Variants in NDST4 observed in about 807,000 individuals in gnomAD.
NDST4 encodes N-heparan sulfate sulfotransferase 4.
In NDST4, 63 loss-of-function variants were observed where a neutral mutation model predicts 100.8. That is an observed-to-expected ratio of 0.62 (90% confidence interval 0.51 to 0.77). The LOEUF is 0.77. Among genes scored for constraint, NDST4 ranks in the 30% least tolerant of loss-of-function variants. The pLI, the probability that NDST4 is intolerant of heterozygous loss-of-function variation, is 0.00. For synonymous variants in NDST4, 377 were observed against 361.8 expected (o/e 1.04, Z -0.48); for missense variants, 943 against 1,018.4 (o/e 0.93, Z 1.01).
intron 6 of NDST4, among the ~76,000 whole-genome samples, chr4:114,897,306 A>G (rs1308331509): frequency 1.3e-5 from 2 of 152,136 alleles, no homozygotes; most frequent in Non-Finnish European, 2.9e-5. Flanking sequence ...AACCTTTTCC[A>G]GAATGTCATA....
intron 2 of NDST4, among the ~76,000 whole-genome samples, chr4:114,987,169 AACAT>A (rs1361726052): frequency 6.6e-6 from 1 of 152,136 alleles, no homozygotes; most frequent in Non-Finnish European, 1.5e-5. Flanking sequence ...AGCCAAGAAT[AACAT>A]ACATATACAT....
At chr4:114,978,856 T>C (rs1207420116) in intron 2 of NDST4, among the ~76,000 whole-genome samples, 1 of 152,140 alleles carries the variant, frequency 6.6e-6, no homozygotes, top group African/African-American at 2.4e-5. Context: ...TTATTCTGCA[T>C]TTATTTATCT....
At chr4:115,042,870 T>C (rs1301593832) in intron 2 of NDST4, among the ~76,000 whole-genome samples, 1 of 152,094 alleles carries the variant, frequency 6.6e-6, no homozygotes, top group East Asian at 1.9e-4. Flanking sequence ...TTAATAATGT[T>C]ACAAGACCAA....
chr4:115,041,801 A>C (rs1214266967), intron 2 of NDST4, among the ~76,000 whole-genome samples: 1 of 151,966 alleles, frequency 6.6e-6, no homozygotes, highest in African/African-American at 2.4e-5. Flanking sequence ...TTTTCTCAAC[A>C]TACATTCAGG....
At chr4:115,048,818 T>C (rs1728520258) in intron 2 of NDST4, among the ~76,000 whole-genome samples, 1 of 152,016 alleles carries the variant, frequency 6.6e-6, no homozygotes, top group African/African-American at 2.4e-5. Flanking sequence ...TTTGTATTTT[T>C]AGTAGAGACG....
intron 6 of NDST4, among the ~76,000 whole-genome samples, chr4:114,882,557 G>A (rs1408085554): frequency 1.3e-5 from 2 of 151,758 alleles, no homozygotes; most frequent in African/African-American, 4.8e-5. Flanking sequence ...GAGGTAAAGA[G>A]AAACTTCCCA....
intron 1 of NDST4, among the ~76,000 whole-genome samples, chr4:115,080,643 T>A (rs947535539): frequency 5.8e-5 from 8 of 138,478 alleles, no homozygotes; most frequent in Non-Finnish European, 1.2e-4. Flanking sequence ...GTAAATTTTT[T>A]AAATAAAAAC....
At chr4:115,062,990 T>A (rs1404594235) in intron 2 of NDST4, among the ~76,000 whole-genome samples, 1 of 151,926 alleles carries the variant, frequency 6.6e-6, no homozygotes, top group Non-Finnish European at 1.5e-5. Flanking sequence ...CTTTCTTATG[T>A]GATACAAGTA....
At chr4:114,976,256 A>G (rs1726631498) in intron 3 of NDST4, among the ~76,000 whole-genome samples, 1 of 152,086 alleles carries the variant, frequency 6.6e-6, no homozygotes, top group Non-Finnish European at 1.5e-5. Context: ...ATACTGTGAA[A>G]TGTTTTCACT....
intron 2 of NDST4, among the ~76,000 whole-genome samples, chr4:115,061,926 T>C (rs572741326): frequency 2.3e-4 from 35 of 152,120 alleles, no homozygotes; most frequent in Non-Finnish European, 3.8e-4. Context: ...AAAGTGACAC[T>C]TCATTAGTTA....
intron 6 of NDST4, among the ~76,000 whole-genome samples, chr4:114,882,047 T>G (rs755847901): frequency 2.0e-5 from 3 of 152,012 alleles, no homozygotes; most frequent in Non-Finnish European, 4.4e-5. Flanking sequence ...GAAAGGGATA[T>G]GCAGTGTGTT....
chr4:114,877,268 C>T (rs751800144), intron 6 of NDST4, among the ~76,000 whole-genome samples: 4 of 152,196 alleles, frequency 2.6e-5, no homozygotes, highest in South Asian at 4.1e-4. Context: ...TTGCAACTTA[C>T]GATATTTCCT....
At chr4:114,984,176 A>C (rs1344084639) in intron 2 of NDST4, among the ~76,000 whole-genome samples, 1 of 150,300 alleles carries the variant, frequency 6.7e-6, no homozygotes, top group Non-Finnish European at 1.5e-5. Flanking sequence ...TTATTTATTT[A>C]TTTATTTATT....
intron 4 of NDST4, among the ~76,000 whole-genome samples, chr4:114,961,218 A>G (rs907809431): frequency 6.6e-6 from 1 of 152,046 alleles, no homozygotes; most frequent in Non-Finnish European, 1.5e-5. Flanking sequence ...TTAGAGGGAA[A>G]TTCATAGCTG....
At chr4:115,003,966 G>C (rs1194028748) in intron 2 of NDST4, among the ~76,000 whole-genome samples, 1 of 152,076 alleles carries the variant, frequency 6.6e-6, no homozygotes, top group East Asian at 1.9e-4. Flanking sequence ...CAGTCAATAA[G>C]AGGCTGAGTG....
intron 2 of NDST4, among the ~76,000 whole-genome samples, chr4:114,978,475 T>C (rs1168593477): frequency 2.0e-5 from 3 of 152,048 alleles, no homozygotes; most frequent in Non-Finnish European, 1.5e-5. Context: ...ATGTTCAACA[T>C]TATTAAATAT....
chr4:114,841,968 C>CA (rs1273151430), intron 10 of NDST4, among the ~76,000 whole-genome samples: 7 of 151,840 alleles, frequency 4.6e-5, no homozygotes, highest in Admixed American at 1.3e-4. Flanking sequence ...GAAAAAGAAG[C>CA]AAAAAAATGA....
chr4:115,104,195 G>A (rs1432902979), intron 1 of NDST4, among the ~76,000 whole-genome samples: 1 of 152,072 alleles, frequency 6.6e-6, no homozygotes, highest in Non-Finnish European at 1.5e-5. Flanking sequence ...GCACATTTGT[G>A]GCAAAACTTA....
intron 2 of NDST4, among the ~76,000 whole-genome samples, chr4:115,024,455 TG>T (rs1415653343): frequency 6.6e-6 from 1 of 152,138 alleles, no homozygotes; most frequent in Non-Finnish European, 1.5e-5. Context: ...TTTTCCCTGT[TG>T]GGTTTTGACT....
Sources: gnomAD v4.1 joint callset for allele counts (sites outside exome capture counted in the v4.1 genomes callset) on GRCh38, gnomAD v4.1.1 for gene constraint, MANE v1.5 for transcripts, NCBI Gene and HGNC (gene_info 2026-07-23, HGNC 2026-07-21) for gene names.